Variants in LHX6 observed in about 807,000 individuals in gnomAD.
LHX6 encodes the protein LIM/homeobox protein Lhx6.
In LHX6, 15 loss-of-function variants were observed where a neutral mutation model predicts 47.1. The observed-to-expected ratio is 0.32, with a 90% CI of 0.21 to 0.49. LHX6 has a LOEUF of 0.49. Ranked by LOEUF, LHX6 falls within the 20% of genes least tolerant of loss-of-function variation. LHX6 has a pLI of 0.99. For synonymous variants in LHX6, 242 were observed against 233.5 expected (o/e 1.04, Z -0.33); for missense variants, 404 against 539.6 (o/e 0.75, Z 2.49).
At chr9:122,206,233 C>G (rs1345568049) in intron 9 of LHX6, among the ~76,000 whole-genome samples, 1 of 152,166 alleles carries the variant, frequency 6.6e-6, no homozygotes, top group Admixed American at 6.5e-5. Flanking sequence ...CCTGAGTGCT[C>G]AGAGCACTGT....
chr9:122,227,650 T>C, intron 1 of LHX6, 170 bp from the exon 2 acceptor site: 1 of 1,315,160 alleles, frequency 7.6e-7, no homozygotes, highest in East Asian at 3.1e-5. Flanking sequence ...GTCTCTCTAA[T>C]GAAGCAATTT....
At chr9:122,216,466 A>G (rs7868147) in intron 5 of LHX6, among the ~76,000 whole-genome samples, 49,282 of 152,094 alleles carry the variant, frequency 0.32, 8,312 homozygotes, top group Middle Eastern at 0.39. Flanking sequence ...ACTGAGGCCC[A>G]GAGAGAAAAG....
chr9:122,221,967 C>CCA (rs761485254), intron 4 of LHX6, among the ~76,000 whole-genome samples: 4 of 151,814 alleles, frequency 2.6e-5, no homozygotes, highest in Non-Finnish European at 4.4e-5. Flanking sequence ...GATCCCACCC[C>CCA]CACGCCACCA....
At chr9:122,221,850 G>T in intron 4 of LHX6, 1 of 328,456 alleles carries the variant, frequency 3.0e-6, no homozygotes, top group Non-Finnish European at 4.4e-6. Context: ...CTATAGAAGA[G>T]TATGGGGGTG....
Position 122,226,636 on chromosome 9 carries a change from A to G in LHX6, c.340-139T>C. ...GATTCCCCTATTTTTCTCCCGTAATACTGAGACTCAGGGAAATGGAAATAA... is the reference window on the plus strand; with the variant it reads ...GATTCCCCTATTTTTCTCCCGTAATGCTGAGACTCAGGGAAATGGAAATAA... On this transcript the variant is annotated intron_variant, in intron 3 of 9. Coordinates refer to ENST00000394319, the MANE Select transcript of LHX6 (RefSeq NM_014368.5). The surrounding 1 kb of genome is among the most constrained non-coding windows in gnomAD (Gnocchi z 6.5). The G allele has an allele frequency of 7.5e-7, 1 of 1,327,926 alleles. No individual in the cohort carries two copies. The highest frequency in any genetic ancestry group is 1.0e-6 in the Non-Finnish European group (1 of 976,322). The allele number at this position is 1,327,926 out of a possible 1,614,324, so 82.3% of individuals were successfully genotyped here.
chr9:122,228,712 G>C lies in LHX6; in HGVS notation c.29C>G (p.Pro10Arg). 7.7e-7 allele frequency: 1 copy of C among 1,290,976 alleles called. No individual in the cohort carries two copies. The highest frequency in any genetic ancestry group is 9.8e-7 in the Non-Finnish European group (1 of 1,018,458). The allele number at this position is 1,290,976 out of a possible 1,614,324, so 80.0% of individuals were successfully genotyped here. Residue 10 changes from proline to arginine, a missense_variant, in exon 1 of 10, where the codon CCG (proline) becomes CGG (arginine). Physicochemically the swap from Pro to Arg is moderately radical, Grantham distance 103. Transcript: ENST00000394319. MYWKHENAA[P>R]ALPEGCRLPA... ...CAGCCGGCAGCCCTCGGGCAACGCC[G>C]GGGCGGCGTTCTCATGCTTCCAGTA...
rs994159446 is a variant in LHX6, at chr9:122,217,738, C to G, written c.462-450G>C. Among the ~76,000 whole-genome samples the G allele has an allele frequency of 6.6e-6, 1 of 152,094 alleles. No homozygotes were observed. The highest frequency in any genetic ancestry group is 2.1e-4 in the South Asian group (1 of 4,830). On this transcript the variant is annotated intron_variant, in intron 4 of 9. Coordinates refer to ENST00000394319, the MANE Select transcript of LHX6 (RefSeq NM_014368.5). This position sits in a 1 kb window ranked among gnomAD's most constrained non-coding sequence, Gnocchi z 4.9. ...TAAAGTAACTTGCAGGAGGTCACAC[C>G]GCTTGCAATGATAGGAACCCTAGCG...
In LHX6 at chr9:122,204,575, G is replaced by C; in HGVS notation, c.*185C>G. 1.9e-6 allele frequency: 1 copy of C among 514,382 alleles called. No individual in the cohort carries two copies. The highest frequency in any genetic ancestry group is 3.4e-6 in the Non-Finnish European group (1 of 291,056). The allele number at this position is 514,382 out of a possible 1,614,324, so 31.9% of individuals were successfully genotyped here. ...GGAGGACTCTGTGGTGCTCCTGGTG[G>C]GTTCTGGTTCTCAGCAGGAGAGGGA... On this transcript the variant is annotated 3_prime_UTR_variant, in exon 10 of 10. Transcript: ENST00000394319.
At chr9:122,221,938 CT>C (rs1830880781) in intron 4 of LHX6, among the ~76,000 whole-genome samples, 1 of 152,084 alleles carries the variant, frequency 6.6e-6, no homozygotes. Context: ...GACCTCATCT[CT>C]CAGGGCCTCA....
rs1436000527 is a variant in LHX6, at chr9:122,221,300, C to A, written c.462-4012G>T. ...GGAGGTCCCGGCCCCGAGGCTCCTC[C>A]CCCAGCTCCCCTCTCGGCTCCCCCA... On this transcript the variant is annotated intron_variant, in intron 4 of 9. Coordinates refer to ENST00000394319, the MANE Select transcript of LHX6 (RefSeq NM_014368.5). 1.0e-5 allele frequency: 10 copies of A among 985,512 alleles called. No individual in the cohort carries two copies. The highest frequency in any genetic ancestry group is 1.0e-3 in the Middle Eastern group (2 of 1,914). The allele number at this position is 985,512 out of a possible 1,614,324, so 61.0% of individuals were successfully genotyped here.
chr9:122,225,231 G>C (rs1466227309), intron 4 of LHX6, among the ~76,000 whole-genome samples: 1 of 152,230 alleles, frequency 6.6e-6, no homozygotes, highest in Non-Finnish European at 1.5e-5. Context: ...AAAGATGTCT[G>C]TGGGTTGGAG....
intron 5 of LHX6, among the ~76,000 whole-genome samples, chr9:122,215,123 C>G (rs975339686): frequency 2.0e-5 from 3 of 152,120 alleles, no homozygotes; most frequent in South Asian, 2.1e-4. Context: ...CAGAAAATTT[C>G]CATAAGCACA....
Position 122,213,915 on chromosome 9 carries a change from C to A in LHX6, c.879+59G>T. On this transcript the variant is annotated intron_variant, in intron 7 of 9. Transcript: ENST00000394319. This position sits in a 1 kb window ranked among gnomAD's most constrained non-coding sequence, Gnocchi z 5.5. ...GCACGCACCACCCTCCGCGCCGAGC[C>A]CAGCTACGAGCTCCGGGGCGTGCCC... The A allele has an allele frequency of 6.5e-7, 1 of 1,547,372 alleles. No individual in the cohort carries two copies. Among genetic ancestry groups the A allele is most frequent in the African/African-American group, 1.4e-5 (1 of 74,028 alleles).
chr9:122,213,952 G>GGC lies in LHX6; in HGVS notation c.879+21_879+22insGC. Reference sequence around the variant, plus strand: ...TCCGGGGCGTGCCCGCGGTCCCCAGGCCCCGCCCACCCCCGTCCCACCTGG... The same window carrying GGC: ...TCCGGGGCGTGCCCGCGGTCCCCAGGGCCCCCGCCCACCCCCGTCCCACCTGG... On this transcript the variant is annotated intron_variant, in intron 7 of 9. Transcript: ENST00000394319. The surrounding 1 kb of genome is among the most constrained non-coding windows in gnomAD (Gnocchi z 5.5). 1.7e-5 allele frequency: 25 copies of GGC among 1,461,886 alleles called. No individual in the cohort carries two copies. The highest frequency in any genetic ancestry group is 2.4e-5 in the Non-Finnish European group (25 of 1,055,288). 90.6% of individuals were successfully genotyped at this position (1,461,886 alleles called of 1,614,324 possible). A position where few individuals can be genotyped will look rare whatever the true frequency, so the allele number is the denominator to read the frequency against.
chr9:122,226,512 G>A lies in LHX6; in HGVS notation c.340-15C>T, dbSNP rs754587080. On this transcript the variant is annotated splice_polypyrimidine_tract_variant and intron_variant, in intron 3 of 9. Coordinates refer to ENST00000394319, the MANE Select transcript of LHX6 (RefSeq NM_014368.5). This position sits in a 1 kb window ranked among gnomAD's most constrained non-coding sequence, Gnocchi z 6.5. ...AGGTTGTTGACCTGGGGACGGGGCG[G>A]GGACGGAGGTCGGCTCAGCGCGGGC... 1.2e-6 allele frequency: 2 copies of A among 1,611,314 alleles called. No homozygotes were observed. The highest frequency in any genetic ancestry group is 1.1e-5 in the South Asian group (1 of 90,858).
intron 9 of LHX6, 141 bp downstream of exon 9, chr9:122,209,473 G>A: frequency 7.1e-6 from 9 of 1,260,978 alleles, no homozygotes; most frequent in Non-Finnish European, 9.9e-6. Flanking sequence ...CTGTGGGGGT[G>A]CGGTGGGGGT....
At chr9:122,216,901 G>C (rs917065392) in intron 5 of LHX6, among the ~76,000 whole-genome samples, 167 bp downstream of exon 5, 1 of 152,094 alleles carries the variant, frequency 6.6e-6, no homozygotes, top group Admixed American at 6.5e-5. Context: ...GCAAAAGATC[G>C]ACCCGGAAGT....
intron 8 of LHX6, among the ~76,000 whole-genome samples, chr9:122,212,426 T>C (rs945303481): frequency 1.3e-5 from 2 of 152,208 alleles, no homozygotes; most frequent in African/African-American, 2.4e-5. Flanking sequence ...ATATGGTCAG[T>C]AAGCAGCAGT....
chr9:122,208,150 C>T (rs979200447), intron 9 of LHX6, among the ~76,000 whole-genome samples: 1 of 152,186 alleles, frequency 6.6e-6, no homozygotes, highest in African/African-American at 2.4e-5. Flanking sequence ...GACTCTTCCA[C>T]CTGGCAGCCT....
Sources: gnomAD v4.1 joint callset for allele counts (sites outside exome capture counted in the v4.1 genomes callset) on GRCh38, gnomAD v4.1.1 for gene constraint, Gnocchi (gnomAD v3.1) non-coding constraint, MANE v1.5 for transcripts, NCBI Gene and HGNC (gene_info 2026-07-23, HGNC 2026-07-21) for gene names.